Variants in PSIP1 observed in about 807,000 individuals in gnomAD.
PSIP1 encodes PC4 and SFRS1-interacting protein.
A neutral mutation model predicts 74.7 loss-of-function variants in PSIP1; 19 were observed. That is an observed-to-expected ratio of 0.25 (90% CI 0.18 to 0.37). The LOEUF (loss-of-function observed/expected upper bound fraction) is 0.37, where lower values mean the gene tolerates loss of function less well. Among genes scored for constraint, PSIP1 ranks in the 10% least tolerant of loss-of-function variants. PSIP1 has a pLI of 1.00. For missense variants in PSIP1, 601 were observed against 614.3 expected, an observed-to-expected ratio of 0.98 and a Z score of 0.23; for synonymous variants, 222 against 195.3, an observed-to-expected ratio of 1.14 and a Z score of -1.14.
At chr9:15,471,783 T>C (rs1398514199) in intron 10 of PSIP1, 69 of 952,938 alleles carry the variant, frequency 7.2e-5, no homozygotes, top group Non-Finnish European at 8.2e-5. Context: ...AGTACAAAAT[T>C]GTTCAAGAAT....
At chr9:15,469,436 AT>A in intron 11 of PSIP1, 100 bp from the exon 12 acceptor site, 1 of 675,668 alleles carries the variant, frequency 1.5e-6, no homozygotes. Context: ...TAAAAAAAAA[AT>A]GTTCTTAGTA....
chr9:15,492,008 T>C (rs941859928), intron 3 of PSIP1: 3 of 152,236 alleles, frequency 2.0e-5, no homozygotes, highest in Non-Finnish European at 4.4e-5. Context: ...CTGGGGATTA[T>C]TAGAATTCAA....
chr9:15,484,659 G>C (rs1016629680), intron 6 of PSIP1, among the ~76,000 whole-genome samples: 12 of 152,058 alleles, frequency 7.9e-5, no homozygotes, highest in African/African-American at 2.9e-4. Flanking sequence ...CCTGGGAGGT[G>C]AAGGTTGCAG....
chr9:15,487,181 C>T (rs1231152011), intron 4 of PSIP1, among the ~76,000 whole-genome samples: 4 of 150,776 alleles, frequency 2.7e-5, no homozygotes, highest in Admixed American at 6.6e-5. Flanking sequence ...GCCTGGGCAA[C>T]GCAGTCTCAA....
At chr9:15,470,126 G>T in intron 10 of PSIP1, 133 bp from the exon 11 acceptor site, 1 of 681,196 alleles carries the variant, frequency 1.5e-6, no homozygotes, top group Non-Finnish European at 2.6e-6. Flanking sequence ...ACTGACTGTA[G>T]CTCTTAGAAT....
chr9:15,488,974 T>C (rs1047342013), intron 4 of PSIP1, among the ~76,000 whole-genome samples: 1 of 152,098 alleles, frequency 6.6e-6, no homozygotes, highest in African/African-American at 2.4e-5. Flanking sequence ...TGAGCCAAGA[T>C]AGAGCCAATG....
At chr9:15,490,610 G>A (rs2036784438) in intron 3 of PSIP1, among the ~76,000 whole-genome samples, 1 of 150,888 alleles carries the variant, frequency 6.6e-6, no homozygotes, top group South Asian at 2.1e-4. Flanking sequence ...TTGAACCCGG[G>A]AGGCGGAGGT....
chr9:15,485,826 G>A (rs1408092517), intron 6 of PSIP1, 180 bp downstream of exon 6: 4 of 514,484 alleles, frequency 7.8e-6, no homozygotes, highest in Non-Finnish European at 1.4e-5. Context: ...TACTTTAAGG[G>A]TGCTATATCA....
chr9:15,464,293 T>C lies in PSIP1; in HGVS notation c.*1227A>G, dbSNP rs570407006. The C allele has an allele frequency of 3.6e-5, 7 of 194,804 alleles. No homozygotes were observed. Among genetic ancestry groups the C allele is most frequent in the Middle Eastern group, 1.7e-3 (1 of 578 alleles). 12.1% of individuals were successfully genotyped at this position (194,804 alleles called of 1,614,324 possible). ...TTATCTCAGAGGGTCAACCACACAA[T>C]GTCATACAGAGACGCTGGTCTTAAG... On this transcript the variant is annotated 3_prime_UTR_variant, in exon 16 of 16. Transcript: ENST00000380733.
chr9:15,510,260 CGGCG>C lies in PSIP1; in HGVS notation c.-76_-73del. 7.0e-7 allele frequency: 1 copy of C among 1,430,234 alleles called. No individual in the cohort carries two copies. Among genetic ancestry groups the C allele is most frequent in the Non-Finnish European group, 9.6e-7 (1 of 1,045,820 alleles). The allele number at this position is 1,430,234 out of a possible 1,614,324, so 88.6% of individuals were successfully genotyped here. On this transcript the variant is annotated 5_prime_UTR_variant, in exon 2 of 16. Transcript: ENST00000380733. ...AGATGCGGCGGCGCGGGGATGCGGG[CGGCG>C]GACGCGGGCCCAGCTACCGGGCCCG...
chr9:15,510,113 T>G lies in PSIP1; in HGVS notation c.72+4A>C. ...GCTAAGCGCGAGGGCTACAAATCACTTACTCGAGCTGGCCAATGGGGATAA... is the reference window on the plus strand; with the variant it reads ...GCTAAGCGCGAGGGCTACAAATCACGTACTCGAGCTGGCCAATGGGGATAA... On this transcript the variant is annotated splice_donor_region_variant and intron_variant, in intron 2 of 15. Transcript: ENST00000380733. The G allele has an allele frequency of 6.2e-7, 1 of 1,602,244 alleles. No homozygotes were observed. Among genetic ancestry groups the G allele is most frequent in the Non-Finnish European group, 8.5e-7 (1 of 1,174,260 alleles).
chr9:15,476,868 A>G (rs753116818), intron 8 of PSIP1, among the ~76,000 whole-genome samples: 39 of 152,194 alleles, frequency 2.6e-4, no homozygotes, highest in South Asian at 1.0e-3. Context: ...TCAGATCACT[A>G]TGGTCCGAAA....
At position 15,464,252 on chromosome 9, in the gene PSIP1, C is replaced by T. The variant is rs41268959; in HGVS notation, c.*1268G>A. The T allele has an allele frequency of 0.012, 2,271 of 193,184 alleles. 18 individuals are homozygous for T. Among genetic ancestry groups the T allele is most frequent in the Middle Eastern group, 0.021 (12 of 564 alleles). The allele number at this position is 193,184 out of a possible 1,614,324, so 12.0% of individuals were successfully genotyped here. A position where few individuals can be genotyped will look rare whatever the true frequency, so the allele number is the denominator to read the frequency against. ...CCTCTTTAAAAGCAAAAATGCAATTCTGTAGATGAAAACAGTTATCTCAGA... is the reference window on the plus strand; with the variant it reads ...CCTCTTTAAAAGCAAAAATGCAATTTTGTAGATGAAAACAGTTATCTCAGA... On this transcript the variant is annotated 3_prime_UTR_variant, in exon 16 of 16. Coordinates refer to ENST00000380733, the MANE Select transcript of PSIP1 (RefSeq NM_033222.5).
chr9:15,479,985 C>G (rs2036265489), intron 6 of PSIP1, among the ~76,000 whole-genome samples: 1 of 152,182 alleles, frequency 6.6e-6, no homozygotes, highest in Admixed American at 6.5e-5. Flanking sequence ...TACACTGCAA[C>G]TAACACAATG....
chr9:15,479,962 C>T (rs2036264307), intron 6 of PSIP1, among the ~76,000 whole-genome samples: 1 of 152,082 alleles, frequency 6.6e-6, no homozygotes, highest in Non-Finnish European at 1.5e-5. Context: ...ATATGGAGAA[C>T]AAAGTATGTG....
chr9:15,486,819 G>A lies in PSIP1; in HGVS notation c.393+8C>T. 2 of 1,576,556 alleles carry A rather than the reference G, an allele frequency of 1.3e-6. No individual in the cohort carries two copies. Among genetic ancestry groups the A allele is most frequent in the Admixed American group, 3.4e-5 (2 of 58,328 alleles). On this transcript the variant is annotated splice_region_variant and intron_variant, in intron 5 of 15. Transcript: ENST00000380733. ...TGGGTTTAAAATGTTAGGAGAAATA[G>A]AACATACCTCATTGCTGGCTTTTTC... is the stretch of plus-strand genomic sequence containing the variant.
In PSIP1 at chr9:15,468,862, TTCA is replaced by T. The variant is rs746011755; in HGVS notation, c.1207-22_1207-20del. On this transcript the variant is annotated intron_variant, in intron 13 of 15. Transcript: ENST00000380733. ...GCCGTATCTGAGAAAACAATATACATTCATCATAATTGTTTTCCTAATTGATTT... is the reference window on the plus strand; with the variant it reads ...GCCGTATCTGAGAAAACAATATACATTCATAATTGTTTTCCTAATTGATTT... 1.4e-5 allele frequency: 23 copies of T among 1,607,932 alleles called. No individual in the cohort carries two copies. The highest frequency in any genetic ancestry group is 1.1e-4 in the African/African-American group (8 of 74,840).
At chr9:15,503,034 T>A (rs1194045441) in intron 3 of PSIP1, among the ~76,000 whole-genome samples, 2 of 152,244 alleles carry the variant, frequency 1.3e-5, no homozygotes, top group Non-Finnish European at 2.9e-5. Context: ...TCTTCTAGTT[T>A]AGCAGACTAC....
chr9:15,485,995 A>T lies in PSIP1; in HGVS notation c.456+11T>A. The stretch of plus-strand genomic sequence containing the variant: ...TTCAGATCCCCATGGTTGGTAAGTC[A>T]GTGAAATTACCTTTCTCTTTCTCCC... On this transcript the variant is annotated intron_variant, in intron 6 of 15. Transcript: ENST00000380733. The T allele has an allele frequency of 6.3e-7, 1 of 1,594,504 alleles. No homozygotes were observed. Among genetic ancestry groups the T allele is most frequent in the Non-Finnish European group, 8.6e-7 (1 of 1,163,388 alleles).
Sources: gnomAD v4.1 joint callset for allele counts (sites outside exome capture counted in the v4.1 genomes callset) on GRCh38, gnomAD v4.1.1 for gene constraint, MANE v1.5 for transcripts, NCBI Gene and HGNC (gene_info 2026-07-23, HGNC 2026-07-21) for gene names.